The following HDAC3 variants were observed in gnomAD, a reference collection of about 807,000 sequenced individuals.
HDAC3 encodes histone deacetylase 3.
A neutral mutation model predicts 62.3 loss-of-function variants in HDAC3; 21 were observed. The ratio of observed to expected loss-of-function variants is 0.34; its 90% CI spans 0.24 to 0.49. The LOEUF is 0.49. HDAC3 is among the 20% of genes least tolerant of loss of function. The pLI is 0.99. For missense variants in HDAC3, 270 were observed against 556.9 expected, an observed-to-expected ratio of 0.48 and a Z score of 5.19; for synonymous variants, 198 against 206.5, an observed-to-expected ratio of 0.96 and a Z score of 0.35.
rs764115897 is a variant in HDAC3 at position 141,625,378 on chromosome 5, G to A, written c.1060-13C>T. On this transcript the variant is annotated splice_polypyrimidine_tract_variant and intron_variant, in intron 13 of 14. Coordinates refer to ENST00000305264, the MANE Select transcript of HDAC3 (RefSeq NM_003883.4). This position sits in a 1 kb window ranked among gnomAD's most constrained non-coding sequence, Gnocchi z 4.0. ...TCTGGTCCAGATACTGGTTGGAAAT[G>A]AGGAATACAGAGTGAGCAGTTTCCA... is the stretch of plus-strand genomic sequence containing the variant. 9.9e-6 allele frequency: 16 copies of A among 1,613,478 alleles called. No individual in the cohort carries two copies. The South Asian group carries it at 1.4e-4, about 14-fold the overall frequency.
At chr5:141,623,092 C>T (rs1284786499) in intron 14 of HDAC3, among the ~76,000 whole-genome samples, 2 of 152,042 alleles carry the variant, frequency 1.3e-5, no homozygotes, top group Non-Finnish European at 2.9e-5. Flanking sequence ...CATTGCACTC[C>T]AGCCTGGGCA....
intron 3 of HDAC3, among the ~76,000 whole-genome samples, chr5:141,634,030 T>A (rs2099905620): frequency 6.6e-6 from 1 of 152,086 alleles, no homozygotes; most frequent in Non-Finnish European, 1.5e-5. Context: ...TAGAGTAGAG[T>A]GTGGCTTATC....
intron 14 of HDAC3, among the ~76,000 whole-genome samples, chr5:141,624,134 T>C (rs1271680558): frequency 6.7e-6 from 1 of 149,784 alleles, no homozygotes; most frequent in Non-Finnish European, 1.5e-5. Context: ...TTAGAGAGTA[T>C]TACGCAGGCA....
rs1402456740 is a variant in HDAC3 at position 141,626,879 on chromosome 5, C to G, written c.831-596G>C. 6.6e-6 allele frequency among the ~76,000 whole-genome samples: 1 copy of G among 151,526 alleles called. No individual in the cohort carries two copies. ...CCTCCACCTTAGTCTGGGCACCTAA[C>G]CAACACCATGGCTTCCTAACTGGTC... is the stretch of plus-strand genomic sequence containing the variant. On this transcript the variant is annotated intron_variant, in intron 10 of 14. Transcript: ENST00000305264. This position sits in a 1 kb window ranked among gnomAD's most constrained non-coding sequence, Gnocchi z 4.6.
In HDAC3 at chr5:141,621,444, G is replaced by T; in HGVS notation, c.*24C>A. Reference sequence around the variant, plus strand: ...ACCAAGAGGTGAAAAGAAATTCCTTGGGACACAGCATCCCAAGCCACTCTT... The same window carrying T: ...ACCAAGAGGTGAAAAGAAATTCCTTTGGACACAGCATCCCAAGCCACTCTT... On this transcript the variant is annotated 3_prime_UTR_variant, in exon 15 of 15. Coordinates refer to ENST00000305264, the MANE Select transcript of HDAC3 (RefSeq NM_003883.4). 6.2e-7 allele frequency: 1 copy of T among 1,608,126 alleles called. No homozygotes were observed. Among genetic ancestry groups the T allele is most frequent in the South Asian group, 1.1e-5 (1 of 90,924 alleles).
At chr5:141,631,260 T>C (rs1290845317) in intron 3 of HDAC3, among the ~76,000 whole-genome samples, 1 of 152,146 alleles carries the variant, frequency 6.6e-6, no homozygotes, top group Non-Finnish European at 1.5e-5. Flanking sequence ...CGATCTCGGC[T>C]CACTGCAGCC....
chr5:141,632,340 AT>A (rs1319120391), intron 3 of HDAC3, among the ~76,000 whole-genome samples: 1 of 151,538 alleles, frequency 6.6e-6, no homozygotes, highest in African/African-American at 2.4e-5. Context: ...CTACTTTTTT[AT>A]TTTTTTCATT....
chr5:141,635,092 T>TA, intron 2 of HDAC3, 139 bp from the exon 3 acceptor site: 1 of 787,834 alleles, frequency 1.3e-6, no homozygotes, highest in Non-Finnish European at 2.0e-6. Flanking sequence ...CTTAAGTCAG[T>TA]AGAGAGACTC....
At chr5:141,622,495 T>G (rs1371085740) in intron 14 of HDAC3, among the ~76,000 whole-genome samples, 1 of 151,466 alleles carries the variant, frequency 6.6e-6, no homozygotes, top group African/African-American at 2.4e-5. Context: ...TCTCAGCTAC[T>G]GAGGAGGCTG....
intron 14 of HDAC3, among the ~76,000 whole-genome samples, chr5:141,621,921 A>G (rs2099903762): frequency 6.6e-6 from 1 of 152,222 alleles, no homozygotes; most frequent in Non-Finnish European, 1.5e-5. Context: ...AGACAGGACT[A>G]TTGGGACATA....
Position 141,625,451 on chromosome 5 carries a change from T to A in HDAC3, c.1060-86A>T. The stretch of plus-strand genomic sequence containing the variant: ...TCCTAGCTGCCTTTTACCCCTACCA[T>A]ACTGGTTTTCATCTCAGTGGTACCT... On this transcript the variant is annotated intron_variant, in intron 13 of 14. Coordinates refer to ENST00000305264, the MANE Select transcript of HDAC3 (RefSeq NM_003883.4). This position sits in a 1 kb window ranked among gnomAD's most constrained non-coding sequence, Gnocchi z 4.0. The A allele has an allele frequency of 4.7e-6, 7 of 1,474,910 alleles. No homozygotes were observed. Among genetic ancestry groups the A allele is most frequent in the Non-Finnish European group, 6.6e-6 (7 of 1,060,202 alleles). 91.4% of individuals were successfully genotyped at this position (1,474,910 alleles called of 1,614,324 possible).
At chr5:141,633,821 G>T (rs978167209) in intron 3 of HDAC3, among the ~76,000 whole-genome samples, 121 of 95,904 alleles carry the variant, frequency 1.3e-3, no homozygotes, top group African/African-American at 6.1e-3. Flanking sequence ...GTGAGACTCT[G>T]TCTCAAAAAA....
chr5:141,633,988 T>A (rs1043310773), intron 3 of HDAC3, among the ~76,000 whole-genome samples: 1 of 152,224 alleles, frequency 6.6e-6, no homozygotes, highest in African/African-American at 2.4e-5. Context: ...GAGCAACTGG[T>A]AGCTGTGATG....
intron 2 of HDAC3, 104 bp downstream of exon 2, chr5:141,636,444 A>T (rs2099906019): frequency 3.0e-6 from 3 of 986,634 alleles, no homozygotes; most frequent in Non-Finnish European, 4.8e-6. Flanking sequence ...GCTCCCCGAT[A>T]CTCTAGGGGC....
chr5:141,629,031 G>A lies in HDAC3; in HGVS notation c.610+142C>T. The A allele has an allele frequency of 8.1e-6, 6 of 741,548 alleles. No homozygotes were observed. The highest frequency in any genetic ancestry group is 1.8e-5 in the South Asian group (1 of 54,520). The allele number at this position is 741,548 out of a possible 1,614,324, so 45.9% of individuals were successfully genotyped here. ...CTGATGTAACAGAGGAATGGGGAAG[G>A]AGGTGATTATGATAACTGGAGTGGT... On this transcript the variant is annotated intron_variant, in intron 7 of 14. Coordinates refer to ENST00000305264, the MANE Select transcript of HDAC3 (RefSeq NM_003883.4). This position sits in a 1 kb window ranked among gnomAD's most constrained non-coding sequence, Gnocchi z 5.3.
At chr5:141,623,596 A>G (rs1167865273) in intron 14 of HDAC3, among the ~76,000 whole-genome samples, 1 of 152,266 alleles carries the variant, frequency 6.6e-6, no homozygotes, top group Non-Finnish European at 1.5e-5. Flanking sequence ...GAAGCCAGAC[A>G]CTTCCAGATG....
At chr5:141,631,198 T>G (rs2099905169) in intron 3 of HDAC3, among the ~76,000 whole-genome samples, 1 of 152,110 alleles carries the variant, frequency 6.6e-6, no homozygotes. Flanking sequence ...TTTGTTTGTT[T>G]GTTTTTTGAG....
In HDAC3 at chr5:141,625,855, C is replaced by T. The variant is rs927513683; in HGVS notation, c.980-91G>A. ...TTTTCCTTCCCATCCAGAGCACCTACATAATAGCTGCCCAATCTCTTCCCT... is the reference window on the plus strand; with the variant it reads ...TTTTCCTTCCCATCCAGAGCACCTATATAATAGCTGCCCAATCTCTTCCCT... On this transcript the variant is annotated intron_variant, in intron 12 of 14. Transcript: ENST00000305264. This position sits in a 1 kb window ranked among gnomAD's most constrained non-coding sequence, Gnocchi z 4.0. 1.8e-5 allele frequency: 24 copies of T among 1,345,532 alleles called. No homozygotes were observed. The highest frequency in any genetic ancestry group is 5.1e-5 in the Admixed American group (3 of 58,772). 83.3% of individuals were successfully genotyped at this position (1,345,532 alleles called of 1,614,324 possible). A position where few individuals can be genotyped will look rare whatever the true frequency, so the allele number is the denominator to read the frequency against.
Position 141,628,670 on chromosome 5 carries a change from A to G in HDAC3, c.611-31T>C, listed in dbSNP as rs2099904789. ...GGGAAGTGGGTGGTGGTAGCCACAC[A>G]TGGGAAGCACCCACAACCCAGCTGT... On this transcript the variant is annotated intron_variant, in intron 7 of 14. Coordinates refer to ENST00000305264, the MANE Select transcript of HDAC3 (RefSeq NM_003883.4). This position sits in a 1 kb window ranked among gnomAD's most constrained non-coding sequence, Gnocchi z 4.7. 1 of 1,566,594 alleles carries G rather than the reference A, an allele frequency of 6.4e-7. No homozygotes were observed. The highest frequency in any genetic ancestry group is 1.1e-5 in the South Asian group (1 of 90,066).
Sources: gnomAD v4.1 joint callset for allele counts (sites outside exome capture counted in the v4.1 genomes callset) on GRCh38, gnomAD v4.1.1 for gene constraint, Gnocchi (gnomAD v3.1) non-coding constraint, MANE v1.5 for transcripts, NCBI Gene and HGNC (gene_info 2026-07-23, HGNC 2026-07-21) for gene names.